MDFIC: variants seen among roughly 807,000 people sequenced by gnomAD.
MDFIC encodes MyoD family inhibitor domain containing.
MDFIC carries 17 observed loss-of-function variants against 23.2 expected under a neutral mutation model. That is an observed-to-expected ratio of 0.73 (90% CI 0.50 to 1.10). The LOEUF (loss-of-function observed/expected upper bound fraction) is 1.10, where lower values mean the gene tolerates loss of function less well. Among genes scored for constraint, MDFIC ranks in the 50% least tolerant of loss-of-function variants. MDFIC has a pLI of 0.00. For synonymous variants in MDFIC, 120 were observed against 115.2 expected (o/e 1.04, Z -0.27); for missense variants, 356 against 316.6 (o/e 1.12, Z -0.95).
In MDFIC at chr7:114,983,387, G is replaced by A. The variant is rs531625520; in HGVS notation, c.493+3606G>A. The stretch of plus-strand genomic sequence containing the variant: ...TAGTGTTTGATTAAGAACTCTAAGG[G>A]CGTCTTTTCTAACCAGGATAGCAAA... On this transcript the variant is annotated intron_variant, in intron 4 of 4. Transcript: ENST00000393486. Among the ~76,000 whole-genome samples the A allele has an allele frequency of 3.3e-5, 5 of 152,034 alleles. No homozygotes were observed. In the South Asian group the frequency reaches 1.0e-3, roughly 32 times the overall value.
chr7:114,927,325 C>CTTTT (rs10686214), intron 2 of MDFIC, among the ~76,000 whole-genome samples: 1 of 141,794 alleles, frequency 7.1e-6, no homozygotes, highest in African/African-American at 2.6e-5. Context: ...AAAAACAGTC[C>CTTTT]TTTTTTTTTT....
At chr7:114,961,818 A>G (rs1441649990) in intron 3 of MDFIC, among the ~76,000 whole-genome samples, 2 of 152,110 alleles carry the variant, frequency 1.3e-5, no homozygotes, top group Admixed American at 6.5e-5. Context: ...ATCACCTCCC[A>G]TTAGACCCGC....
intron 3 of MDFIC, among the ~76,000 whole-genome samples, chr7:114,974,647 T>C (rs963189104): frequency 2.0e-5 from 3 of 152,124 alleles, no homozygotes; most frequent in Non-Finnish European, 4.4e-5. Flanking sequence ...AAATGTTGCT[T>C]TATATTGCTA....
At chr7:114,935,921 A>T (rs1792415871) in intron 2 of MDFIC, among the ~76,000 whole-genome samples, 2 of 152,150 alleles carry the variant, frequency 1.3e-5, no homozygotes, top group Non-Finnish European at 2.9e-5. Context: ...CTTATGATTT[A>T]TTTATAGCGT....
chr7:114,941,591 C>T (rs770490721), intron 2 of MDFIC, among the ~76,000 whole-genome samples: 4 of 152,132 alleles, frequency 2.6e-5, no homozygotes, highest in Admixed American at 6.6e-5. Flanking sequence ...TTCCTTTGAA[C>T]CTTTTTAGTG....
At chr7:114,960,550 T>C (rs1005955560) in intron 3 of MDFIC, among the ~76,000 whole-genome samples, 3 of 152,152 alleles carry the variant, frequency 2.0e-5, no homozygotes, top group Non-Finnish European at 2.9e-5. Flanking sequence ...CTGCACTGAA[T>C]AGACCCCTTT....
chr7:114,942,328 C>T lies in MDFIC; in HGVS notation c.148C>T (p.His50Tyr). ...AGATATAACTCAAGCTACCAATAGC[C>T]ACTTCACACATGGAGAGATGCAAGA... ...EKDITQATNS[H>Y]FTHGEMQDQS... Residue 50 changes from histidine to tyrosine, a missense_variant, in exon 3 of 5, where the codon CAC becomes TAC. Transcript: ENST00000393486. The T allele has an allele frequency of 6.3e-7, 1 of 1,599,564 alleles. No individual in the cohort carries two copies. The highest frequency in any genetic ancestry group is 8.6e-7 in the Non-Finnish European group (1 of 1,168,760).
intron 1 of MDFIC, 131 bp from the exon 2 acceptor site, chr7:114,922,777 TGTAACAGTTTTCTTCGCAA>T: frequency 8.2e-7 from 1 of 1,226,876 alleles, no homozygotes; most frequent in Middle Eastern, 2.9e-4. Context: ...CAACTTGCGC[TGTAACAGTTTTCTTCGCAA>T]GTTTCAAATC....
At chr7:115,015,200 A>T (rs1791770731) in intron 4 of MDFIC, among the ~76,000 whole-genome samples, 1 of 152,226 alleles carries the variant, frequency 6.6e-6, no homozygotes. Context: ...TAACTATTGA[A>T]TTAATTTTTC....
chr7:114,962,416 T>C (rs2115870432), intron 3 of MDFIC, among the ~76,000 whole-genome samples: 1 of 152,316 alleles, frequency 6.6e-6, no homozygotes, highest in Middle Eastern at 3.4e-3. Context: ...ATGGGAGTTT[T>C]TAAGTTCCCA....
intron 4 of MDFIC, among the ~76,000 whole-genome samples, chr7:115,008,459 C>T (rs533325222): frequency 6.6e-6 from 1 of 152,242 alleles, no homozygotes; most frequent in East Asian, 1.9e-4. Context: ...CACTTTGTTC[C>T]CCACTAGGAA....
At chr7:114,962,710 G>A (rs1192098495) in intron 3 of MDFIC, among the ~76,000 whole-genome samples, 1 of 152,166 alleles carries the variant, frequency 6.6e-6, no homozygotes, top group Non-Finnish European at 1.5e-5. Context: ...AGAATTATGT[G>A]TTTTAACCGA....
At position 114,992,392 on chromosome 7, in the gene MDFIC, T is replaced by C. The variant is rs1168468099; in HGVS notation, c.493+12611T>C. On this transcript the variant is annotated intron_variant, in intron 4 of 4. Transcript: ENST00000393486. ...CCAGAACTTCCAACACTATGTTGAA[T>C]AGGAGTGGTGAGAGAGGGCATCCCT... Among the ~76,000 whole-genome samples the C allele has an allele frequency of 2.0e-5, 3 of 151,942 alleles. No homozygotes were observed. The East Asian group carries it at 5.8e-4, about 29-fold the overall frequency.
rs1444873635 is a variant in MDFIC at position 114,942,266 on chromosome 7, T to C, written c.95-9T>C. The C allele has an allele frequency of 7.6e-6, 11 of 1,443,942 alleles. No individual in the cohort carries two copies. The East Asian group carries it at 2.2e-4, about 29-fold the overall frequency. The allele number at this position is 1,443,942 out of a possible 1,614,324, so 89.4% of individuals were successfully genotyped here. A position where few individuals can be genotyped will look rare whatever the true frequency, so the allele number is the denominator to read the frequency against. Reference sequence around the variant, plus strand: ...ATCAATTATATTAAATGTATCTTTTTTAATTCAGGAAAATGTGATAAAGAC... The same window carrying C: ...ATCAATTATATTAAATGTATCTTTTCTAATTCAGGAAAATGTGATAAAGAC... On this transcript the variant is annotated splice_polypyrimidine_tract_variant and intron_variant, in intron 2 of 4. Transcript: ENST00000393486.
chr7:114,952,470 A>G (rs1435900383), intron 3 of MDFIC, among the ~76,000 whole-genome samples: 1 of 151,724 alleles, frequency 6.6e-6, no homozygotes, highest in Non-Finnish European at 1.5e-5. Flanking sequence ...CATGCTCCAC[A>G]GTTTTCCACC....
intron 2 of MDFIC, among the ~76,000 whole-genome samples, chr7:114,932,657 C>A (rs917626369): frequency 6.6e-6 from 1 of 152,098 alleles, no homozygotes; most frequent in Admixed American, 6.6e-5. Context: ...GATGAGACTG[C>A]AAAGATGGTA....
At chr7:114,987,172 C>G (rs770704380) in intron 4 of MDFIC, among the ~76,000 whole-genome samples, 8 of 152,120 alleles carry the variant, frequency 5.3e-5, no homozygotes, top group Middle Eastern at 3.2e-3. Flanking sequence ...CTCACTATTC[C>G]GTATGGGTTT....
At chr7:115,011,151 T>C (rs1341777101) in intron 4 of MDFIC, among the ~76,000 whole-genome samples, 1 of 152,176 alleles carries the variant, frequency 6.6e-6, no homozygotes, top group African/African-American at 2.4e-5. Flanking sequence ...GGAGGTTAAC[T>C]GCCTGGGTCC....
At chr7:114,925,684 A>G (rs1391777001) in intron 2 of MDFIC, among the ~76,000 whole-genome samples, 1 of 152,168 alleles carries the variant, frequency 6.6e-6, no homozygotes, top group Non-Finnish European at 1.5e-5. Context: ...AGGAAACAAC[A>G]TTCCTCAGTT....
Sources: gnomAD v4.1 joint callset for allele counts (sites outside exome capture counted in the v4.1 genomes callset) on GRCh38, gnomAD v4.1.1 for gene constraint, MANE v1.5 for transcripts, NCBI Gene and HGNC (gene_info 2026-07-23, HGNC 2026-07-21) for gene names.